Variants in NAALADL2 observed in about 807,000 individuals in gnomAD.
NAALADL2 encodes the protein inactive N-acetylated-alpha-linked acidic dipeptidase-like protein 2.
A neutral mutation model predicts 87.2 loss-of-function variants in NAALADL2; 76 were observed. The observed-to-expected ratio is 0.87, with a 90% confidence interval of 0.72 to 1.05. The LOEUF (loss-of-function observed/expected upper bound fraction) is 1.05. NAALADL2 is among the 50% of genes least tolerant of loss of function. NAALADL2 has a pLI of 0.00. For synonymous variants in NAALADL2, 354 were observed against 331.0 expected (o/e 1.07, Z -0.75); for missense variants, 1,089 against 945.8 (o/e 1.15, Z -1.99).
chr3:175,561,866 G>T (rs1160452689), intron 9 of NAALADL2, among the ~76,000 whole-genome samples: 1 of 152,188 alleles, frequency 6.6e-6, no homozygotes, highest in African/African-American at 2.4e-5. Context: ...TTTTTTGTGT[G>T]ACTAGGTTAT....
In NAALADL2 at chr3:174,894,594, C is replaced by CAAAAAAAAAAAAAAAAAAAAAAAAAA. The variant is rs869161862; in HGVS notation, c.43+35168_43+35193dup. On this transcript the variant is annotated intron_variant, in intron 1 of 13. Transcript: ENST00000454872. ...GGGCAAAAAGAGTGAAACTCCGTCT[C>CAAAAAAAAAAAAAAAAAAAAAAAAAA]AAAAAAAAAAAAAAAAAAAAAAAAA... 1.0e-4 allele frequency among the ~76,000 whole-genome samples: 5 copies of CAAAAAAAAAAAAAAAAAAAAAAAAAA among 48,470 alleles called. 1 individual carries two copies. The highest frequency in any genetic ancestry group is 1.7e-4 in the Non-Finnish European group (5 of 28,730). 31.8% of individuals were successfully genotyped at this position (48,470 alleles called of 152,430 possible).
intron 1 of NAALADL2, among the ~76,000 whole-genome samples, chr3:175,021,179 G>A (rs142347439): frequency 2.6e-3 from 391 of 152,016 alleles, no homozygotes; most frequent in Non-Finnish European, 4.1e-3. Flanking sequence ...GTGTTTAGTC[G>A]CAGGTCTAAT....
chr3:175,391,210 A>G (rs1769024692), intron 5 of NAALADL2, among the ~76,000 whole-genome samples: 1 of 152,170 alleles, frequency 6.6e-6, no homozygotes, highest in Non-Finnish European at 1.5e-5. Context: ...TCTCTTCTCT[A>G]TAACCACATA....
At position 175,723,991 on chromosome 3, in the gene NAALADL2, CA is replaced by C. The variant is rs538248660; in HGVS notation, c.1897-13314del. Among the ~76,000 whole-genome samples the C allele has an allele frequency of 4.0e-3, 614 of 152,200 alleles. 1 individual carries two copies. The highest frequency in any genetic ancestry group is 0.02 in the Middle Eastern group (6 of 294). On this transcript the variant is annotated intron_variant, in intron 11 of 13. Transcript: ENST00000454872. ...TATTAACCTTTGAGATGTGACGTTTCATATGTTCTTTCTGTTTTTCTTTGCT... is the reference window on the plus strand; with the variant it reads ...TATTAACCTTTGAGATGTGACGTTTCTATGTTCTTTCTGTTTTTCTTTGCT...
intron 4 of NAALADL2, among the ~76,000 whole-genome samples, chr3:175,309,392 G>C (rs199832188): frequency 6.6e-6 from 1 of 151,956 alleles, no homozygotes. Flanking sequence ...CACCATGTTG[G>C]CCAGGCTGGT....
intron 1 of NAALADL2, among the ~76,000 whole-genome samples, chr3:174,937,169 C>T (rs1484971351): frequency 6.6e-6 from 1 of 152,058 alleles, no homozygotes; most frequent in Non-Finnish European, 1.5e-5. Flanking sequence ...GTACCAGTCT[C>T]ACCAGGGATT....
At chr3:174,497,377 A>G (rs1322858166) in intron 1 of NAALADL2, among the ~76,000 whole-genome samples, 6 of 152,116 alleles carry the variant, frequency 3.9e-5, no homozygotes, top group African/African-American at 1.2e-4. Flanking sequence ...CTATAATTCC[A>G]GCACTTTGGG....
chr3:175,072,593 A>G (rs1159686509), intron 1 of NAALADL2, among the ~76,000 whole-genome samples: 1 of 148,530 alleles, frequency 6.7e-6, no homozygotes, highest in Non-Finnish European at 1.5e-5. Context: ...AGACATTACT[A>G]CTAGACTTCT....
At chr3:175,780,237 C>A (rs1026026069) in intron 13 of NAALADL2, among the ~76,000 whole-genome samples, 2 of 151,366 alleles carry the variant, frequency 1.3e-5, no homozygotes, top group African/African-American at 4.8e-5. Flanking sequence ...GATCGCGCCA[C>A]TGCACTCCAG....
At chr3:175,193,540 TAAG>T (rs895534603) in intron 2 of NAALADL2, among the ~76,000 whole-genome samples, 9 of 151,902 alleles carry the variant, frequency 5.9e-5, no homozygotes, top group Admixed American at 4.6e-4. Flanking sequence ...AGAGGTGAGA[TAAG>T]AAATAACTTC....
At chr3:174,876,288 A>G (rs1728502424) in intron 1 of NAALADL2, among the ~76,000 whole-genome samples, 1 of 152,140 alleles carries the variant, frequency 6.6e-6, no homozygotes, top group Non-Finnish European at 1.5e-5. Flanking sequence ...ACCCGTTGAA[A>G]AAACCATGAA....
intron 4 of NAALADL2, among the ~76,000 whole-genome samples, chr3:175,288,873 T>A (rs1334259360): frequency 6.6e-6 from 1 of 152,140 alleles, no homozygotes; most frequent in Non-Finnish European, 1.5e-5. Flanking sequence ...CTGGATGTCT[T>A]CCAAGAAGCT....
intron 5 of NAALADL2, among the ~76,000 whole-genome samples, chr3:175,379,039 A>G (rs1767481487): frequency 6.6e-6 from 1 of 152,182 alleles, no homozygotes; most frequent in Non-Finnish European, 1.5e-5. Context: ...ACTGGAGAAT[A>G]GGCCCATGGG....
At chr3:175,724,022 G>A (rs928191268) in intron 11 of NAALADL2, among the ~76,000 whole-genome samples, 18 of 152,158 alleles carry the variant, frequency 1.2e-4, no homozygotes, top group African/African-American at 4.1e-4. Flanking sequence ...TTTGCTAATA[G>A]CATCCAAACC....
intron 2 of NAALADL2, among the ~76,000 whole-genome samples, chr3:175,198,610 G>C (rs1014999511): frequency 6.6e-6 from 1 of 152,036 alleles, no homozygotes; most frequent in Non-Finnish European, 1.5e-5. Flanking sequence ...GCCTTGAAAT[G>C]ATAATGTTGA....
intron 2 of NAALADL2, among the ~76,000 whole-genome samples, chr3:174,705,803 G>T (rs1730015974): frequency 1.5e-5 from 2 of 131,728 alleles, no homozygotes; most frequent in African/African-American, 5.7e-5. Context: ...AAAAAAAAAT[G>T]TCAGTTCTGG....
chr3:175,449,645 G>T (rs537547163), intron 6 of NAALADL2, among the ~76,000 whole-genome samples: 1 of 149,344 alleles, frequency 6.7e-6, no homozygotes, highest in East Asian at 2.0e-4. Context: ...CGCCCACCTC[G>T]GCCTCCCAAA....
rs573217231 is a variant in NAALADL2 at position 175,158,186 on chromosome 3, T to C, written c.545+60895T>C. Reference sequence around the variant, plus strand: ...TTATGTGTAAGGTACACTCAGAGTCTAGCTAAATCATATTCAATATTCCAT... The same window carrying C: ...TTATGTGTAAGGTACACTCAGAGTCCAGCTAAATCATATTCAATATTCCAT... On this transcript the variant is annotated intron_variant, in intron 2 of 13. Coordinates refer to ENST00000454872, the MANE Select transcript of NAALADL2 (RefSeq NM_207015.3). Among the ~76,000 whole-genome samples the C allele has an allele frequency of 2.0e-4, 31 of 152,208 alleles. No individual in the cohort carries two copies. The South Asian group carries it at 6.0e-3, about 30-fold the overall frequency.
At chr3:175,700,275 A>G (rs890285288) in intron 11 of NAALADL2, among the ~76,000 whole-genome samples, 1 of 152,152 alleles carries the variant, frequency 6.6e-6, no homozygotes, top group African/African-American at 2.4e-5. Context: ...GTTGATTGGA[A>G]TAAATTGAGG....
Sources: allele counts gnomAD v4.1 joint callset (sites outside exome capture counted in the v4.1 genomes callset), GRCh38; gene constraint gnomAD v4.1.1; transcripts MANE v1.5; gene names NCBI Gene and HGNC (gene_info 2026-07-23, HGNC 2026-07-21).